Variants in AHI1 observed in about 807,000 individuals in gnomAD.
The protein encoded by AHI1 is Abelson helper integration site 1.
Under a neutral mutation model 149.3 loss-of-function variants are expected in AHI1, and 123 were observed. The ratio of observed to expected loss-of-function variants is 0.82; its 90% confidence interval spans 0.71 to 0.96. The LOEUF is 0.96. AHI1 is among the 40% of genes least tolerant of loss of function. The pLI is 0.00. For missense variants in AHI1, 1,439 were observed against 1,422.7 expected (o/e 1.01, Z -0.18); for synonymous variants, 475 against 459.8 (o/e 1.03, Z -0.42).
chr6:135,463,749 T>A (rs559210086), intron 7 of AHI1, among the ~76,000 whole-genome samples: 32 of 152,302 alleles, frequency 2.1e-4, no homozygotes, highest in African/African-American at 7.5e-4. Flanking sequence ...TGATTTCTCT[T>A]TTTTCTTTTC....
At chr6:135,480,450 C>T (rs972765942) in intron 5 of AHI1, among the ~76,000 whole-genome samples, 1 of 151,340 alleles carries the variant, frequency 6.6e-6, no homozygotes. Context: ...AGAGCAAGAC[C>T]CTGTCTTAAA....
chr6:135,411,942 A>C (rs1781657264), intron 20 of AHI1, among the ~76,000 whole-genome samples: 1 of 152,136 alleles, frequency 6.6e-6, no homozygotes, highest in East Asian at 1.9e-4. Context: ...TTACACACAC[A>C]TTCTATATAT....
At chr6:135,359,954 A>G (rs1217222118) in intron 23 of AHI1, among the ~76,000 whole-genome samples, 1 of 152,174 alleles carries the variant, frequency 6.6e-6, no homozygotes, top group African/African-American at 2.4e-5. Context: ...GAATGTGTTG[A>G]AAATTAGAAT....
chr6:135,311,466 A>G (rs1411418191), intron 26 of AHI1, among the ~76,000 whole-genome samples: 2 of 152,184 alleles, frequency 1.3e-5, no homozygotes, highest in African/African-American at 4.8e-5. Flanking sequence ...ATGAGCATAA[A>G]TATTAGCAGG....
chr6:135,398,407 C>A (rs531871644), intron 22 of AHI1, among the ~76,000 whole-genome samples: 38 of 152,074 alleles, frequency 2.5e-4, no homozygotes, highest in African/African-American at 8.9e-4. Flanking sequence ...AATAAGATAC[C>A]AGAAAAATCT....
At chr6:135,394,546 T>G in intron 23 of AHI1, 1 of 497,930 alleles carries the variant, frequency 2.0e-6, no homozygotes, top group South Asian at 2.1e-5. Flanking sequence ...TAGTTTTAAA[T>G]TATTATCTGT....
At chr6:135,486,008 G>A (rs879873208) in intron 5 of AHI1, among the ~76,000 whole-genome samples, 2 of 152,130 alleles carry the variant, frequency 1.3e-5, no homozygotes, top group African/African-American at 2.4e-5. Context: ...AGTTTATACT[G>A]ATTTTATAGG....
At chr6:135,298,376 T>C (rs867310037) in intron 27 of AHI1, among the ~76,000 whole-genome samples, 13 of 147,904 alleles carry the variant, frequency 8.8e-5, no homozygotes, top group Middle Eastern at 3.5e-3. Context: ...AAGTGGAAAG[T>C]AGTAAGAGGC....
At chr6:135,313,449 C>T (rs1263732696) in intron 26 of AHI1, among the ~76,000 whole-genome samples, 1 of 152,198 alleles carries the variant, frequency 6.6e-6, no homozygotes, top group Non-Finnish European at 1.5e-5. Flanking sequence ...CACTCCTTTA[C>T]ATGACTCTAA....
intron 27 of AHI1, chr6:135,297,283 A>G (rs1583558915): frequency 6.2e-5 from 22 of 352,460 alleles, no homozygotes; most frequent in South Asian, 4.8e-4. Context: ...TTTTTCTCCC[A>G]CTGCAATTCC....
intron 26 of AHI1, among the ~76,000 whole-genome samples, chr6:135,317,452 T>C (rs1477980137): frequency 6.7e-6 from 1 of 149,480 alleles, no homozygotes; most frequent in Non-Finnish European, 1.5e-5. Flanking sequence ...ACCTAACACA[T>C]ATTTTTGCAT....
intron 23 of AHI1, among the ~76,000 whole-genome samples, chr6:135,375,173 G>A (rs939170821): frequency 6.6e-6 from 1 of 151,832 alleles, no homozygotes; most frequent in Non-Finnish European, 1.5e-5. Context: ...ATAAATGTGA[G>A]CTCTCCCCAA....
intron 22 of AHI1, among the ~76,000 whole-genome samples, 174 bp from the exon 23 acceptor site, chr6:135,395,070 C>G (rs1779036644): frequency 6.6e-6 from 1 of 151,336 alleles, no homozygotes; most frequent in Non-Finnish European, 1.5e-5. Context: ...TCATTTTCAT[C>G]AAGAAAAAAA....
At chr6:135,344,082 T>C (rs566817429) in intron 24 of AHI1, among the ~76,000 whole-genome samples, 1 of 152,130 alleles carries the variant, frequency 6.6e-6, no homozygotes, top group East Asian at 1.9e-4. Context: ...TTATATAAAA[T>C]AGTATTTGCA....
At chr6:135,494,258 G>T (rs1052996429) in intron 3 of AHI1, among the ~76,000 whole-genome samples, 29 of 152,172 alleles carry the variant, frequency 1.9e-4, no homozygotes, top group African/African-American at 6.8e-4. Context: ...CGACTCAAAG[G>T]GTTGTTGTAA....
chr6:135,300,195 C>T (rs1417589199), intron 27 of AHI1, among the ~76,000 whole-genome samples: 2 of 151,742 alleles, frequency 1.3e-5, no homozygotes, highest in African/African-American at 4.8e-5. Flanking sequence ...TGCGGAGGTG[C>T]GTGCCTGTAA....
intron 25 of AHI1, among the ~76,000 whole-genome samples, chr6:135,320,117 A>G (rs1786577810): frequency 2.6e-5 from 4 of 152,298 alleles, no homozygotes; most frequent in Admixed American, 2.0e-4. Context: ...AAACTGGGCA[A>G]TTGAGTTTTT....
chr6:135,463,324 G>T lies in AHI1; in HGVS notation c.750-18C>A, dbSNP rs1364255126. ...TCAATGTACTACAAATATAATCCAA[G>T]TATCAGCCATTACAGATATATTATC... On this transcript the variant is annotated intron_variant, in intron 7 of 28. Transcript: ENST00000265602. 1.3e-6 allele frequency: 2 copies of T among 1,565,380 alleles called. No homozygotes were observed. Among genetic ancestry groups the T allele is most frequent in the African/African-American group, 1.4e-5 (1 of 72,668 alleles).
chr6:135,422,398 C>T (rs200092162), intron 20 of AHI1, among the ~76,000 whole-genome samples: 4 of 151,550 alleles, frequency 2.6e-5, no homozygotes, highest in South Asian at 2.1e-4. Context: ...CCCAGCTACT[C>T]GGGAGGCTGA....
Sources: gnomAD v4.1 joint callset for allele counts (sites outside exome capture counted in the v4.1 genomes callset) on GRCh38, gnomAD v4.1.1 for gene constraint, MANE v1.5 for transcripts, NCBI Gene and HGNC (gene_info 2026-07-23, HGNC 2026-07-21) for gene names.